Variants in TOP1 observed in about 807,000 individuals in gnomAD.
The protein encoded by TOP1 is DNA topoisomerase I.
In TOP1, 10 loss-of-function variants were observed where a neutral mutation model predicts 111.1. That is an observed-to-expected ratio of 0.09 (90% confidence interval 0.06 to 0.15). The LOEUF is 0.15. Among genes scored for constraint, TOP1 ranks in the 10% least tolerant of loss-of-function variants. The pLI is 1.00. For synonymous variants in TOP1, 271 were observed against 302.9 expected (o/e 0.89, Z 1.10); for missense variants, 474 against 926.7 (o/e 0.51, Z 6.34).
chr20:41,123,793 G>C lies in TOP1; in HGVS notation c.*496G>C, dbSNP rs1202423631. On this transcript the variant is annotated 3_prime_UTR_variant, in exon 21 of 21. Transcript: ENST00000361337. The surrounding 1 kb of genome is among the most constrained non-coding windows in gnomAD (Gnocchi z 5.8). ...AACAAAAAACCCAGCGCACCTGTTA[G>C]AGTCGTCACTCTCTATTGTCATGGG... 4.3e-6 allele frequency: 1 copy of C among 232,832 alleles called. No homozygotes were observed. The highest frequency in any genetic ancestry group is 8.5e-6 in the Non-Finnish European group (1 of 117,634). 14.4% of individuals were successfully genotyped at this position (232,832 alleles called of 1,614,324 possible). A position where few individuals can be genotyped will look rare whatever the true frequency, so the allele number is the denominator to read the frequency against.
At chr20:41,072,230 G>A (rs969479167) in intron 3 of TOP1, 2 of 985,020 alleles carry the variant, frequency 2.0e-6, no homozygotes, top group Non-Finnish European at 2.4e-6. Flanking sequence ...GCCCTTTTGT[G>A]ACTTTGACAT....
chr20:41,117,380 A>ATTTTTTTTTTTTTTTTTTTTTTTT (rs1192075214), intron 17 of TOP1, among the ~76,000 whole-genome samples: 2 of 85,530 alleles, frequency 2.3e-5, no homozygotes, highest in Non-Finnish European at 4.2e-5. Context: ...CTGTGGCTTA[A>ATTTTTTTTTTTTTTTTTTTTTTTT]TTTTTTTTTT....
In TOP1 at chr20:41,118,692, A is replaced by G. The variant is rs1274844964; in HGVS notation, c.1950+396A>G. On this transcript the variant is annotated intron_variant, in intron 18 of 20. Transcript: ENST00000361337. The surrounding 1 kb of genome is among the most constrained non-coding windows in gnomAD (Gnocchi z 4.6). ...TAGATTGTTTCAAATTGAAAAGATG[A>G]TGAAACAATTATATATTTAAAGTCT... Among the ~76,000 whole-genome samples, 2 of 152,262 alleles carry G rather than the reference A, an allele frequency of 1.3e-5. No individual in the cohort carries two copies. The highest frequency in any genetic ancestry group is 4.8e-5 in the African/African-American group (2 of 41,460).
chr20:41,042,387 C>G (rs912748298), intron 2 of TOP1, among the ~76,000 whole-genome samples: 4 of 152,328 alleles, frequency 2.6e-5, no homozygotes, highest in African/African-American at 9.6e-5. Context: ...AATCCTTTCT[C>G]CTACTTCAGT....
intron 2 of TOP1, among the ~76,000 whole-genome samples, chr20:41,050,664 C>A (rs6072257): frequency 6.6e-6 from 1 of 152,184 alleles, no homozygotes; most frequent in African/African-American, 2.4e-5. Context: ...TTGGGGAATA[C>A]TTGTTTTTAC....
Position 41,109,249 on chromosome 20 carries a change from A to C in TOP1, c.1309-3533A>C, listed in dbSNP as rs2034195945. On this transcript the variant is annotated intron_variant, in intron 13 of 20. Coordinates refer to ENST00000361337, the MANE Select transcript of TOP1 (RefSeq NM_003286.4). This position sits in a 1 kb window ranked among gnomAD's most constrained non-coding sequence, Gnocchi z 4.1. ...GGTGAGTTCTATTAGAGAAAATAAG[A>C]CACAAGCTCATTAAAAATATATATA... is the stretch of plus-strand genomic sequence containing the variant. Among the ~76,000 whole-genome samples the C allele has an allele frequency of 6.6e-6, 1 of 152,228 alleles. No individual in the cohort carries two copies. Among genetic ancestry groups the C allele is most frequent in the Non-Finnish European group, 1.5e-5 (1 of 68,036 alleles).
intron 3 of TOP1, among the ~76,000 whole-genome samples, chr20:41,068,874 G>A: frequency 6.6e-6 from 1 of 152,126 alleles, no homozygotes; most frequent in Non-Finnish European, 1.5e-5. Flanking sequence ...ATTTGGGAGG[G>A]GGGCTTGATT....
Position 41,081,151 on chromosome 20 carries a change from G to T in TOP1, c.432-14G>T. The T allele has an allele frequency of 1.3e-6, 2 of 1,587,294 alleles. No homozygotes were observed. Among genetic ancestry groups the T allele is most frequent in the Non-Finnish European group, 1.7e-6 (2 of 1,166,724 alleles). ...ATAATTATGTTAACTGTGTATTCAT[G>T]TTCCCCTTTCTAGTGCTGATTATAA... On this transcript the variant is annotated splice_polypyrimidine_tract_variant and intron_variant, in intron 6 of 20. Coordinates refer to ENST00000361337, the MANE Select transcript of TOP1 (RefSeq NM_003286.4).
rs1225569812 is a variant in TOP1 at position 41,102,566 on chromosome 20, C to T, written c.1308+1213C>T. Among the ~76,000 whole-genome samples the T allele has an allele frequency of 2.6e-5, 4 of 152,128 alleles. No individual in the cohort carries two copies. Among genetic ancestry groups the T allele is most frequent in the Non-Finnish European group, 4.4e-5 (3 of 68,028 alleles). The stretch of plus-strand genomic sequence containing the variant: ...CAGAGGTCGCAGTGAGCTGAGATCA[C>T]GCCACTGCACTCCAGCCTGGGCAAG... On this transcript the variant is annotated intron_variant, in intron 13 of 20. Coordinates refer to ENST00000361337, the MANE Select transcript of TOP1 (RefSeq NM_003286.4). The surrounding 1 kb of genome is among the most constrained non-coding windows in gnomAD (Gnocchi z 4.0).
At chr20:41,033,867 CTG>C (rs758893726) in intron 2 of TOP1, among the ~76,000 whole-genome samples, 6 of 152,074 alleles carry the variant, frequency 3.9e-5, no homozygotes, top group South Asian at 4.1e-4. Flanking sequence ...CCATGTGAAA[CTG>C]TGTCGAACTC....
At chr20:41,048,013 A>G (rs2033354662) in intron 2 of TOP1, among the ~76,000 whole-genome samples, 1 of 151,968 alleles carries the variant, frequency 6.6e-6, no homozygotes, top group South Asian at 2.1e-4. Flanking sequence ...TTCCTTTCAA[A>G]TAGGGGTTGG....
At chr20:41,089,186 G>A (rs1012747049) in intron 8 of TOP1, among the ~76,000 whole-genome samples, 10 of 151,642 alleles carry the variant, frequency 6.6e-5, no homozygotes, top group African/African-American at 1.2e-4. Context: ...CACCATTCCC[G>A]GCTAATTTTT....
chr20:41,100,303 T>C lies in TOP1; in HGVS notation c.1163+60T>C. The C allele has an allele frequency of 2.1e-6, 3 of 1,404,446 alleles. No homozygotes were observed. Among genetic ancestry groups the C allele is most frequent in the Non-Finnish European group, 3.0e-6 (3 of 1,015,700 alleles). The allele number at this position is 1,404,446 out of a possible 1,614,324, so 87.0% of individuals were successfully genotyped here. On this transcript the variant is annotated intron_variant, in intron 12 of 20. Coordinates refer to ENST00000361337, the MANE Select transcript of TOP1 (RefSeq NM_003286.4). This position sits in a 1 kb window ranked among gnomAD's most constrained non-coding sequence, Gnocchi z 4.4. The stretch of plus-strand genomic sequence containing the variant: ...GGGTGGAGGGCGTCCTTTATTGTAC[T>C]TGGGAATATTTCCCAGGTTACACAG...
chr20:41,040,738 A>T (rs906746674), intron 2 of TOP1, among the ~76,000 whole-genome samples: 7 of 148,836 alleles, frequency 4.7e-5, no homozygotes, highest in African/African-American at 1.8e-4. Flanking sequence ...CCTGGGAGGC[A>T]GAGGTTGCAA....
At chr20:41,036,484 AGATAAGTATATGAAGGT>A (rs2033186793) in intron 2 of TOP1, among the ~76,000 whole-genome samples, 1 of 152,266 alleles carries the variant, frequency 6.6e-6, no homozygotes, top group Admixed American at 6.5e-5. Flanking sequence ...GTTGAGAATT[AGATAAGTATATGAAGGT>A]GCCTCTCTGT....
rs2033157829 is a variant in TOP1 at position 41,034,310 on chromosome 20, G to A, written c.58+4855G>A. Among the ~76,000 whole-genome samples, 1 of 152,208 alleles carries A rather than the reference G, an allele frequency of 6.6e-6. No individual in the cohort carries two copies. The highest frequency in any genetic ancestry group is 2.4e-5 in the African/African-American group (1 of 41,448). ...TATTTCCATGCCTCATACATCTCAA[G>A]TTTGAGCAGCAGCTTTCCATCCCCA... On this transcript the variant is annotated intron_variant, in intron 2 of 20. Coordinates refer to ENST00000361337, the MANE Select transcript of TOP1 (RefSeq NM_003286.4). This position sits in a 1 kb window ranked among gnomAD's most constrained non-coding sequence, Gnocchi z 4.0.
chr20:41,040,869 A>G (rs549054870), intron 2 of TOP1, among the ~76,000 whole-genome samples: 1 of 152,160 alleles, frequency 6.6e-6, no homozygotes, highest in South Asian at 2.1e-4. Context: ...ATACCCTGGA[A>G]TGAATGAATG....
rs3091559 is a variant in TOP1 at position 41,082,837 on chromosome 20, G to GTT, written c.507+1606_507+1607dup. On this transcript the variant is annotated intron_variant, in intron 7 of 20. Transcript: ENST00000361337. This position sits in a 1 kb window ranked among gnomAD's most constrained non-coding sequence, Gnocchi z 4.1. ...AATATAAAACTTGAGTTCTCCAAGT[G>GTT]TTTTTTTTTTATGTTTATATTGCAT... Among the ~76,000 whole-genome samples, 361 of 149,540 alleles carry GTT rather than the reference G, an allele frequency of 2.4e-3. 1 individual carries two copies. Among genetic ancestry groups the GTT allele is most frequent in the African/African-American group, 6.3e-3 (259 of 40,906 alleles).
intron 18 of TOP1, among the ~76,000 whole-genome samples, chr20:41,120,984 G>T (rs374636864): frequency 2.0e-5 from 3 of 152,136 alleles, no homozygotes; most frequent in Non-Finnish European, 4.4e-5. Flanking sequence ...CTTGTGATCC[G>T]CCCTCCTCAG....
Sources: allele counts gnomAD v4.1 joint callset (sites outside exome capture counted in the v4.1 genomes callset), GRCh38; gene constraint gnomAD v4.1.1; non-coding constraint Gnocchi (gnomAD v3.1); transcripts MANE v1.5; gene names NCBI Gene and HGNC (gene_info 2026-07-23, HGNC 2026-07-21).